KCNK9: variants seen among roughly 807,000 people sequenced by gnomAD.
KCNK9 encodes the protein potassium two pore domain channel subfamily K member 9, also known as potassium channel subfamily K member 9.
KCNK9 carries 1 observed loss-of-function variant against 10.8 expected under a neutral mutation model. The observed-to-expected ratio is 0.09, with a 90% CI of 0.03 to 0.44. The LOEUF is 0.44. KCNK9 is among the 20% of genes least tolerant of loss of function. The pLI, the probability that KCNK9 is intolerant of heterozygous loss-of-function variation, is 0.97. For missense variants in KCNK9, 303 were observed against 515.0 expected, an observed-to-expected ratio of 0.59 and a Z score of 3.98; for synonymous variants, 231 against 222.7, an observed-to-expected ratio of 1.04 and a Z score of -0.33.
chr8:139,668,744 A>G (rs752250687), intron 1 of KCNK9, among the ~76,000 whole-genome samples: 1 of 152,204 alleles, frequency 6.6e-6, no homozygotes, highest in Non-Finnish European at 1.5e-5. Context: ...TCTTACATGC[A>G]CTGGGAAACA....
chr8:139,696,695 A>G (rs1254194552), intron 1 of KCNK9, among the ~76,000 whole-genome samples: 1 of 125,026 alleles, frequency 8.0e-6, no homozygotes, highest in Non-Finnish European at 1.9e-5. Context: ...GGGTGGATAA[A>G]TGGATGGATG....
chr8:139,672,771 T>A (rs977582066), intron 1 of KCNK9, among the ~76,000 whole-genome samples: 2 of 152,138 alleles, frequency 1.3e-5, no homozygotes, highest in African/African-American at 4.8e-5. Flanking sequence ...GGGAAGGAGC[T>A]TGAGGAGTGG....
intron 1 of KCNK9, among the ~76,000 whole-genome samples, chr8:139,677,159 C>T (rs552678313): frequency 2.6e-5 from 4 of 152,076 alleles, no homozygotes; most frequent in Non-Finnish European, 5.9e-5. Flanking sequence ...GGGACCCTAC[C>T]CCCTGTGGCC....
At chr8:139,638,560 C>G (rs779444493) in intron 1 of KCNK9, among the ~76,000 whole-genome samples, 8 of 152,218 alleles carry the variant, frequency 5.3e-5, no homozygotes, top group African/African-American at 1.9e-4. Context: ...GAGGGGCACA[C>G]GGGCTACTGC....
intron 1 of KCNK9, among the ~76,000 whole-genome samples, chr8:139,698,202 G>A (rs557532573): frequency 5.9e-5 from 9 of 152,310 alleles, no homozygotes; most frequent in East Asian, 1.9e-4. Flanking sequence ...CCTTATCTGC[G>A]TCAGGTTCCT....
chr8:139,703,086 TC>T lies in KCNK9; in HGVS notation c.-95del. ...GCGCCCGGCGGCCGCCGCCGCCTCC[TC>T]CTCCGCCGCCGCCGCCGCCGCCTCC... On this transcript the variant is annotated 5_prime_UTR_variant, in exon 1 of 2. Transcript: ENST00000520439. The surrounding 1 kb of genome is among the most constrained non-coding windows in gnomAD (Gnocchi z 6.4). 1 of 1,122,418 alleles carries T rather than the reference TC, an allele frequency of 8.9e-7. No homozygotes were observed. Among genetic ancestry groups the T allele is most frequent in the Non-Finnish European group, 1.1e-6 (1 of 892,106 alleles). 69.5% of individuals were successfully genotyped at this position (1,122,418 alleles called of 1,614,324 possible). A position where few individuals can be genotyped will look rare whatever the true frequency, so the allele number is the denominator to read the frequency against.
intron 1 of KCNK9, among the ~76,000 whole-genome samples, chr8:139,657,068 G>A (rs1163686114): frequency 6.6e-6 from 1 of 152,126 alleles, no homozygotes; most frequent in East Asian, 1.9e-4. Flanking sequence ...TCTCCTGCCT[G>A]GTCCACCTGG....
chr8:139,623,060 C>T (rs951244943), intron 1 of KCNK9, among the ~76,000 whole-genome samples: 6 of 152,196 alleles, frequency 3.9e-5, no homozygotes, highest in African/African-American at 1.4e-4. Context: ...TGTGCCACAC[C>T]TATGTATATG....
chr8:139,670,866 C>G (rs1017793106), intron 1 of KCNK9, among the ~76,000 whole-genome samples: 2 of 152,214 alleles, frequency 1.3e-5, no homozygotes, highest in South Asian at 2.1e-4. Flanking sequence ...GCCTCCCCAG[C>G]AGCATCTTCT....
Position 139,618,016 on chromosome 8 carries a change from T to A in KCNK9, c.*242A>T, listed in dbSNP as rs937517696. The A allele has an allele frequency of 5.6e-6, 3 of 532,298 alleles. No homozygotes were observed. Among genetic ancestry groups the A allele is most frequent in the African/African-American group, 3.8e-5 (2 of 52,276 alleles). 33.0% of individuals were successfully genotyped at this position (532,298 alleles called of 1,614,324 possible). ...AGTCTGCTGGGAAGGAAGGAGGAGA[T>A]CCATGCTTCATGCTCAGATGTGAGT... On this transcript the variant is annotated 3_prime_UTR_variant, in exon 2 of 2. Transcript: ENST00000520439. This position sits in a 1 kb window ranked among gnomAD's most constrained non-coding sequence, Gnocchi z 7.9.
chr8:139,669,439 C>A (rs1204824079), intron 1 of KCNK9, among the ~76,000 whole-genome samples: 4 of 152,248 alleles, frequency 2.6e-5, no homozygotes, highest in Non-Finnish European at 5.9e-5. Context: ...TATTCTAAAT[C>A]CCTTGTTGTC....
At chr8:139,651,499 C>G (rs1815862484) in intron 1 of KCNK9, among the ~76,000 whole-genome samples, 2 of 152,166 alleles carry the variant, frequency 1.3e-5, no homozygotes, top group South Asian at 4.1e-4. Flanking sequence ...CCTAGACATA[C>G]TGTGAGGGTT....
intron 1 of KCNK9, among the ~76,000 whole-genome samples, chr8:139,620,493 C>A (rs1478239850): frequency 6.6e-6 from 1 of 152,128 alleles, no homozygotes; most frequent in Admixed American, 6.5e-5. Flanking sequence ...AGGGACCTAC[C>A]AGACCCCAGG....
chr8:139,695,469 C>T (rs905972316), intron 1 of KCNK9, among the ~76,000 whole-genome samples: 7 of 152,262 alleles, frequency 4.6e-5, no homozygotes, highest in Non-Finnish European at 8.8e-5. Context: ...CCAAGCTCCA[C>T]TCAGCCCTCC....
At chr8:139,608,381 A>T (rs544879450), downstream of KCNK9, among the ~76,000 whole-genome samples, 73 of 152,326 alleles carry the variant, frequency 4.8e-4, 1 homozygote, top group African/African-American at 1.7e-3. Flanking sequence ...TCCACCCCCC[A>T]ATCCTTCCAG....
intron 1 of KCNK9, among the ~76,000 whole-genome samples, chr8:139,699,251 G>T (rs1817139081): frequency 6.6e-6 from 1 of 152,196 alleles, no homozygotes; most frequent in South Asian, 2.1e-4. Context: ...GTTGGATCGT[G>T]GGGAGAGGCT....
chr8:139,624,347 A>ACAG, intron 1 of KCNK9, among the ~76,000 whole-genome samples: 1 of 152,182 alleles, frequency 6.6e-6, no homozygotes. Flanking sequence ...CACTGCTCAC[A>ACAG]CAGCAGCAGC....
intron 1 of KCNK9, among the ~76,000 whole-genome samples, chr8:139,700,631 G>A (rs1817195780): frequency 6.6e-6 from 1 of 152,130 alleles, no homozygotes. Context: ...AGGAAAATCA[G>A]CGAATTCCTC....
Position 139,650,889 on chromosome 8 carries a change from C to T in KCNK9, c.284-31790G>A, listed in dbSNP as rs147230877. 2.0e-3 allele frequency among the ~76,000 whole-genome samples: 300 copies of T among 152,300 alleles called. 3 individuals carry two copies. Among genetic ancestry groups the T allele is most frequent in the African/African-American group, 6.9e-3 (286 of 41,558 alleles). ...GAGGCCACCAGCCCCTTGACACCCC[C>T]GGAAGTGATGTTGCCATGGTTCAGA... On this transcript the variant is annotated intron_variant, in intron 1 of 1. Coordinates refer to ENST00000520439, the MANE Select transcript of KCNK9 (RefSeq NM_001282534.2).
Sources: allele counts gnomAD v4.1 joint callset (sites outside exome capture counted in the v4.1 genomes callset), GRCh38; gene constraint gnomAD v4.1.1; non-coding constraint Gnocchi (gnomAD v3.1); transcripts MANE v1.5; gene names NCBI Gene and HGNC (gene_info 2026-07-23, HGNC 2026-07-21).